PHEX: variants seen among roughly 807,000 people sequenced by gnomAD.
PHEX encodes the protein phosphate-regulating neutral endopeptidase PHEX.
In PHEX, 16 loss-of-function variants were observed where a neutral mutation model predicts 68.0. The observed-to-expected ratio is 0.24, with a 90% CI of 0.16 to 0.36. The LOEUF is 0.36. Among genes scored for constraint, PHEX ranks in the 10% least tolerant of loss-of-function variants. The pLI is 1.00. For missense variants in PHEX, 480 were observed against 575.5 expected (o/e 0.83, Z 1.70); for synonymous variants, 208 against 205.1 (o/e 1.01, Z -0.12).
intron 13 of PHEX, chrX:22,172,956 A>T (rs1184392239): frequency 9.1e-6 from 1 of 110,126 alleles, no homozygotes; most frequent in Non-Finnish European, 1.9e-5. Flanking sequence ...CAGATATGTG[A>T]ACCTATGTAA....
At chrX:22,065,573 G>A (rs1928559149) in intron 3 of PHEX, among the ~76,000 whole-genome samples, 1 of 111,498 alleles carries the variant, frequency 9.0e-6, no homozygotes, top group African/African-American at 3.3e-5. Flanking sequence ...TTACAGGCAT[G>A]TGCCACCACG....
intron 20 of PHEX, among the ~76,000 whole-genome samples, chrX:22,239,216 GACCATATCCGA>G (rs775828523): frequency 5.9e-4 from 65 of 109,947 alleles, no homozygotes; most frequent in Non-Finnish European, 1.1e-3. Flanking sequence ...TCCGATCAGA[GACCATATCCGA>G]AGGTCACCAG....
At chrX:22,131,808 T>C (rs1932017027) in intron 11 of PHEX, among the ~76,000 whole-genome samples, 1 of 112,410 alleles carries the variant, frequency 8.9e-6, no homozygotes, top group Non-Finnish European at 1.9e-5. Flanking sequence ...GTGTTTTTTT[T>C]TTCTTGGGTG....
chrX:22,076,278 T>C (rs1158990908), intron 3 of PHEX, 110 bp from the exon 4 acceptor site: 1 of 555,392 alleles, frequency 1.8e-6, no homozygotes, highest in Non-Finnish European at 3.2e-6. Context: ...TCCAGGGTTG[T>C]CTGTCTTTGT....
At chrX:22,186,734 T>A (rs945383637) in intron 14 of PHEX, among the ~76,000 whole-genome samples, 2 of 111,743 alleles carry the variant, frequency 1.8e-5, no homozygotes, top group African/African-American at 6.5e-5. Flanking sequence ...ATAAGATGTT[T>A]TCGTTATTCT....
intron 15 of PHEX, among the ~76,000 whole-genome samples, chrX:22,193,777 G>C (rs747232526): frequency 1.5e-3 from 170 of 112,093 alleles, no homozygotes; most frequent in Non-Finnish European, 2.7e-3. Context: ...AAGTGTCTGA[G>C]GGTATACATC....
At chrX:22,052,228 T>A (rs185170077) in intron 3 of PHEX, among the ~76,000 whole-genome samples, 58 of 112,236 alleles carry the variant, frequency 5.2e-4, no homozygotes, top group African/African-American at 1.7e-3. Flanking sequence ...TTAATTAATT[T>A]ATTTACTTAT....
In PHEX at chrX:22,038,540, A is replaced by T; in HGVS notation, c.187+3A>T. 8.7e-7 allele frequency: 1 copy of T among 1,148,126 alleles called. No homozygotes were observed. The highest frequency in any genetic ancestry group is 1.2e-6 in the Non-Finnish European group (1 of 837,446). The allele number at this position is 1,148,126 out of a possible 1,213,427, so 94.6% of individuals were successfully genotyped here. ...GAAGCCAGAATGCATCGAAGCGGGT[A>T]AGTCACAGTTTTCCATCCTGTGTCA... On this transcript the variant is annotated splice_donor_region_variant and intron_variant, in intron 2 of 21. Coordinates refer to ENST00000379374, the MANE Select transcript of PHEX (RefSeq NM_000444.6).
intron 4 of PHEX, among the ~76,000 whole-genome samples, chrX:22,076,998 G>A (rs924591495): frequency 8.9e-6 from 1 of 112,353 alleles, no homozygotes; most frequent in African/African-American, 3.2e-5. Context: ...ACAGGAAGAA[G>A]CCAGTGCCTG....
chrX:22,075,550 G>C (rs1602273175), intron 3 of PHEX, among the ~76,000 whole-genome samples: 1 of 110,654 alleles, frequency 9.0e-6, no homozygotes, highest in African/African-American at 3.3e-5. Context: ...TTTCATCTTG[G>C]CTTCATGTTG....
At chrX:22,157,784 G>T (rs1408234123) in intron 12 of PHEX, among the ~76,000 whole-genome samples, 1 of 111,687 alleles carries the variant, frequency 9.0e-6, no homozygotes, top group Admixed American at 9.5e-5. Flanking sequence ...CTATACTGGG[G>T]CATTATTCAC....
chrX:22,233,724 A>C (rs1031103687), intron 20 of PHEX, among the ~76,000 whole-genome samples: 2 of 111,380 alleles, frequency 1.8e-5, no homozygotes, highest in Non-Finnish European at 3.8e-5. Context: ...CCTGTTTTCA[A>C]GGTTCTTAGC....
chrX:22,089,899 TA>T (rs1038100037), intron 5 of PHEX, among the ~76,000 whole-genome samples: 26 of 111,292 alleles, frequency 2.3e-4, no homozygotes, highest in Non-Finnish European at 4.3e-4. Flanking sequence ...TCCATTCAAA[TA>T]AAAAAAAATC....
rs188090469 is a variant in PHEX at position 22,093,958 on chromosome X, T to C, written c.733-25T>C. On this transcript the variant is annotated intron_variant, in intron 6 of 21. Coordinates refer to ENST00000379374, the MANE Select transcript of PHEX (RefSeq NM_000444.6). ...ATTTCCTAAGAAGCTATTGTCATGGTCACTTTGTTCTTTATTTCTTACAGT... is the reference window on the plus strand; with the variant it reads ...ATTTCCTAAGAAGCTATTGTCATGGCCACTTTGTTCTTTATTTCTTACAGT... 1.7e-3 allele frequency: 1,645 copies of C among 951,221 alleles called. 5 individuals carry two copies. Among genetic ancestry groups the C allele is most frequent in the Non-Finnish European group, 2.0e-3 (1,302 of 661,885 alleles). 78.4% of individuals were successfully genotyped at this position (951,221 alleles called of 1,213,427 possible). A position where few individuals can be genotyped will look rare whatever the true frequency, so the allele number is the denominator to read the frequency against.
chrX:22,185,772 T>G (rs1226047533), intron 14 of PHEX, among the ~76,000 whole-genome samples: 4 of 98,194 alleles, frequency 4.1e-5, no homozygotes, highest in Admixed American at 2.1e-4. Flanking sequence ...TTTTTTTTTT[T>G]TGGACACAGA....
intron 9 of PHEX, among the ~76,000 whole-genome samples, chrX:22,107,006 C>A (rs918350728): frequency 9.0e-5 from 10 of 111,191 alleles, no homozygotes. Flanking sequence ...CCTGGGGTGG[C>A]CTAGGCATGT....
chrX:22,139,702 A>ATT (rs368551912), intron 12 of PHEX, among the ~76,000 whole-genome samples: 1 of 90,683 alleles, frequency 1.1e-5, no homozygotes. Flanking sequence ...GGTTTTCTTA[A>ATT]TTTTTTTTTT....
At chrX:22,067,447 A>G (rs73635597) in intron 3 of PHEX, among the ~76,000 whole-genome samples, 4,432 of 111,464 alleles carry the variant, frequency 0.04, 235 homozygotes, top group African/African-American at 0.14. Flanking sequence ...AAATGGGCCT[A>G]TGCAAGGAGG....
intron 3 of PHEX, among the ~76,000 whole-genome samples, chrX:22,073,061 G>A (rs1468599189): frequency 2.7e-5 from 3 of 111,865 alleles, no homozygotes; most frequent in African/African-American, 9.7e-5. Context: ...GGTGGCTATA[G>A]CAGGTGCAGT....
Sources: allele counts gnomAD v4.1 joint callset (sites outside exome capture counted in the v4.1 genomes callset), GRCh38; gene constraint gnomAD v4.1.1; transcripts MANE v1.5; gene names NCBI Gene and HGNC (gene_info 2026-07-23, HGNC 2026-07-21).